The following SAV1 variants were observed in gnomAD, a reference collection of about 807,000 sequenced individuals.
SAV1 encodes the protein protein salvador homolog 1.
SAV1 carries 23 observed loss-of-function variants against 47.3 expected under a neutral mutation model. The ratio of observed to expected loss-of-function variants is 0.49; its 90% CI spans 0.35 to 0.69. SAV1 has a LOEUF of 0.69. Among genes scored for constraint, SAV1 ranks in the 30% least tolerant of loss-of-function variants. The probability of loss-of-function intolerance (pLI) is 0.01; values close to 1 mark genes in which losing one functional copy is unlikely to be tolerated. For missense variants in SAV1, 448 were observed against 457.4 expected (o/e 0.98, Z 0.19); for synonymous variants, 155 against 159.2 (o/e 0.97, Z 0.20).
At position 50,644,761 on chromosome 14, in the gene SAV1, C is replaced by A. The variant is rs2039706698; in HGVS notation, c.789G>T (p.Arg263Ser). ...VDHTNKKAQY[R>S]HPCAPSVPRY... ...TACTGTACCTAGGAGCACAGGGATG[C>A]CTGTATTGGGCCTTCTTATTTGTGT... Residue 263 changes from arginine (R) to serine (S), a missense_variant, in exon 3 of 5, where the codon AGG becomes AGT. By Grantham distance (110) the Arg-to-Ser change is moderately radical (BLOSUM62 -1). Coordinates refer to ENST00000324679, the MANE Select transcript of SAV1 (RefSeq NM_021818.4). 2 of 1,613,716 alleles carry A rather than the reference C, an allele frequency of 1.2e-6. No homozygotes were observed. The highest frequency in any genetic ancestry group is 1.7e-6 in the Non-Finnish European group (2 of 1,179,790).
chr14:50,638,312 G>A (rs531764250), intron 4 of SAV1, among the ~76,000 whole-genome samples: 9 of 152,170 alleles, frequency 5.9e-5, no homozygotes, highest in African/African-American at 1.9e-4. Context: ...ATATACACAG[G>A]TAAATCATTC....
At chr14:50,640,572 T>C (rs2039672835) in intron 4 of SAV1, among the ~76,000 whole-genome samples, 178 bp downstream of exon 4, 1 of 152,234 alleles carries the variant, frequency 6.6e-6, no homozygotes, top group Admixed American at 6.5e-5. Flanking sequence ...CTAATATTTC[T>C]AATTAATGAT....
intron 2 of SAV1, chr14:50,662,777 G>A (rs1426395326): frequency 2.6e-5 from 4 of 152,186 alleles, no homozygotes; most frequent in African/African-American, 9.7e-5. Context: ...AGGTGGGAAA[G>A]GTGAACGCAA....
intron 4 of SAV1, among the ~76,000 whole-genome samples, chr14:50,635,913 T>C (rs1455858140): frequency 6.6e-6 from 1 of 152,140 alleles, no homozygotes; most frequent in Non-Finnish European, 1.5e-5. Flanking sequence ...TTCACCATGT[T>C]GGCCAGGAGG....
chr14:50,666,570 G>C (rs78761851), intron 1 of SAV1, among the ~76,000 whole-genome samples: 1 of 152,090 alleles, frequency 6.6e-6, no homozygotes, highest in East Asian at 1.9e-4. Flanking sequence ...AAACAAAGTA[G>C]ATCAAAAGTT....
intron 1 of SAV1, 43 bp downstream of exon 1, chr14:50,667,831 G>GGCCGCCTGGGCCAGGTGTGGGCACGC: frequency 6.4e-7 from 1 of 1,559,094 alleles, no homozygotes; most frequent in South Asian, 1.1e-5. Context: ...CGGAGCACCT[G>GGCCGCCTGGGCCAGGTGTGGGCACGC]GCCGCCTGGG....
intron 2 of SAV1, among the ~76,000 whole-genome samples, chr14:50,656,489 T>A (rs1256288024): frequency 1.3e-5 from 2 of 148,914 alleles, no homozygotes; most frequent in Non-Finnish European, 3.0e-5. Context: ...GTCGCCCAGG[T>A]TGGAGTGCGG....
At chr14:50,655,975 G>A (rs1278741752) in intron 2 of SAV1, among the ~76,000 whole-genome samples, 1 of 152,186 alleles carries the variant, frequency 6.6e-6, no homozygotes, top group African/African-American at 2.4e-5. Context: ...AACCCAGGAG[G>A]CAGAGGTTGT....
chr14:50,644,707 C>T, intron 3 of SAV1, 37 bp downstream of exon 3: 10 of 1,574,746 alleles, frequency 6.4e-6, no homozygotes, highest in Non-Finnish European at 8.7e-6. Context: ...TTAGACAATC[C>T]CGAAACAAAA....
intron 2 of SAV1, among the ~76,000 whole-genome samples, chr14:50,659,486 A>G (rs2039840810): frequency 6.6e-6 from 1 of 152,240 alleles, no homozygotes; most frequent in Admixed American, 6.5e-5. Flanking sequence ...GCAGTCACTA[A>G]TAATTGTCTT....
intron 2 of SAV1, among the ~76,000 whole-genome samples, chr14:50,651,055 T>G (rs72681610): frequency 2.2e-5 from 1 of 45,652 alleles, no homozygotes; most frequent in Non-Finnish European, 3.8e-5. Context: ...AAATGGATCT[T>G]TCAGCCAGAG....
At chr14:50,666,932 T>G (rs566896176) in intron 1 of SAV1, among the ~76,000 whole-genome samples, 1 of 152,196 alleles carries the variant, frequency 6.6e-6, no homozygotes, top group South Asian at 2.1e-4. Flanking sequence ...CCCATCTGTG[T>G]GATCTTGGGC....
At chr14:50,662,663 T>G (rs2039870067) in intron 2 of SAV1, 1 of 152,226 alleles carries the variant, frequency 6.6e-6, no homozygotes, top group Non-Finnish European at 1.5e-5. Flanking sequence ...TTTGGCAAAT[T>G]AGATTTTCAA....
At chr14:50,651,416 A>C (rs2039768836) in intron 2 of SAV1, among the ~76,000 whole-genome samples, 1 of 152,188 alleles carries the variant, frequency 6.6e-6, no homozygotes, top group East Asian at 1.9e-4. Flanking sequence ...CAGGGGTAGA[A>C]TTAATTTTCT....
intron 3 of SAV1, among the ~76,000 whole-genome samples, chr14:50,643,428 G>C (rs144009548): frequency 2.0e-5 from 3 of 152,160 alleles, no homozygotes; most frequent in African/African-American, 7.2e-5. Flanking sequence ...GAAAGAAGGG[G>C]GAACTGCCAC....
chr14:50,651,710 T>A (rs770294885), intron 2 of SAV1, among the ~76,000 whole-genome samples: 8 of 152,212 alleles, frequency 5.3e-5, no homozygotes, highest in Non-Finnish European at 1.2e-4. Context: ...CACTGCAGTC[T>A]CAACCTCCTG....
At chr14:50,635,704 T>C (rs1362461029) in intron 4 of SAV1, among the ~76,000 whole-genome samples, 1 of 152,288 alleles carries the variant, frequency 6.6e-6, no homozygotes, top group East Asian at 1.9e-4. Flanking sequence ...TATTTACATA[T>C]AATTCTTTGT....
rs1170706416 is a variant in SAV1, at chr14:50,634,141, G to C, written c.*1042C>G. 6.6e-6 allele frequency: 3 copies of C among 454,862 alleles called. No individual in the cohort carries two copies. Among genetic ancestry groups the C allele is most frequent in the African/African-American group, 2.0e-5 (1 of 50,022 alleles). The allele number at this position is 454,862 out of a possible 1,614,324, so 28.2% of individuals were successfully genotyped here. ...GCTGTCAGGAACTCTCCACTGCCTCGTCAGAGCCATGCTAAATGCAGTAAC... is the reference window on the plus strand; with the variant it reads ...GCTGTCAGGAACTCTCCACTGCCTCCTCAGAGCCATGCTAAATGCAGTAAC... On this transcript the variant is annotated 3_prime_UTR_variant, in exon 5 of 5. Transcript: ENST00000324679.
intron 3 of SAV1, among the ~76,000 whole-genome samples, chr14:50,642,133 T>C (rs991784618): frequency 2.0e-5 from 3 of 152,070 alleles, no homozygotes. Flanking sequence ...CACATGTTGA[T>C]AGGTAGGAGC....
Sources: gnomAD v4.1 joint callset for allele counts (sites outside exome capture counted in the v4.1 genomes callset) on GRCh38, gnomAD v4.1.1 for gene constraint, MANE v1.5 for transcripts, NCBI Gene and HGNC (gene_info 2026-07-23, HGNC 2026-07-21) for gene names.